The following MZT1 variants were observed in gnomAD, a reference collection of about 807,000 sequenced individuals.
The protein encoded by MZT1 is mitotic spindle organizing protein 1.
MZT1 carries 8 observed loss-of-function variants against 8.5 expected under a neutral mutation model. The ratio of observed to expected loss-of-function variants is 0.94; its 90% CI spans 0.55 to 1.70. The LOEUF (loss-of-function observed/expected upper bound fraction) is 1.70, where lower values mean the gene tolerates loss of function less well. Ranked by LOEUF, MZT1 falls within the 40% of genes most tolerant of loss-of-function variation. MZT1 has a pLI of 0.00. For synonymous variants in MZT1, 38 were observed against 42.0 expected, an observed-to-expected ratio of 0.90 and a Z score of 0.37; for missense variants, 93 against 108.6, an observed-to-expected ratio of 0.86 and a Z score of 0.64.
rs1184512874 is a variant in MZT1 at position 72,724,717 on chromosome 13, TACATATATATATATATATATATACAC to T, written c.79+2781_79+2806del. ...TTACTACTAAATATATATATATATA[TACATATATATATATATATATATACAC>T]ATATATATATGTAAAGTGGTGCTAC... On this transcript the variant is annotated intron_variant, in intron 1 of 2. Transcript: ENST00000377818. Among the ~76,000 whole-genome samples, 80 of 46,358 alleles carry T rather than the reference TACATATATATATATATATATATACAC, an allele frequency of 1.7e-3. 10 individuals are homozygous for T. The highest frequency in any genetic ancestry group is 1.0e-2 in the Admixed American group (29 of 2,906). 30.4% of individuals were successfully genotyped at this position (46,358 alleles called of 152,430 possible).
intron 2 of MZT1, among the ~76,000 whole-genome samples, chr13:72,716,569 T>A (rs946038025): frequency 3.3e-5 from 5 of 152,218 alleles, no homozygotes; most frequent in Admixed American, 1.3e-4. Context: ...GAAGTCACTT[T>A]GTATCAGGTA....
intron 1 of MZT1, 102 bp downstream of exon 1, chr13:72,727,422 G>A: frequency 8.8e-7 from 1 of 1,136,344 alleles, no homozygotes; most frequent in South Asian, 1.2e-5. Flanking sequence ...GATGCCGTTT[G>A]GGGCACTAAG....
rs139369257 is a variant in MZT1, at chr13:72,710,276, C to T, written c.*46G>A. The T allele has an allele frequency of 5.3e-3, 8,566 of 1,602,074 alleles. 188 individuals carry two copies. In the South Asian group the frequency reaches 0.056, roughly 11 times the overall value. The stretch of plus-strand genomic sequence containing the variant: ...TCTCAACTACAATGCAATCTTCAAA[C>T]CCTCTTGCAGAGCTTGACATATCTC... On this transcript the variant is annotated 3_prime_UTR_variant, in exon 3 of 3. Coordinates refer to ENST00000377818, the MANE Select transcript of MZT1 (RefSeq NM_001071775.3).
rs1790203910 is a variant in MZT1, at chr13:72,715,903, G to C, written c.225+3049C>G. On this transcript the variant is annotated intron_variant, in intron 2 of 2. Coordinates refer to ENST00000377818, the MANE Select transcript of MZT1 (RefSeq NM_001071775.3). ...AACCTCTTTTCTTTACAAATTATCT[G>C]GTCTCCGGTTTTTTTGTTTTTGTTT... Among the ~76,000 whole-genome samples the C allele has an allele frequency of 2.0e-5, 3 of 151,746 alleles. No individual in the cohort carries two copies. In the South Asian group the frequency reaches 6.3e-4, roughly 32 times the overall value.
Position 72,708,562 on chromosome 13 carries a change from A to T in MZT1, c.*1760T>A, listed in dbSNP as rs2032453842. The T allele has an allele frequency of 6.6e-6, 1 of 152,648 alleles. No individual in the cohort carries two copies. Among genetic ancestry groups the T allele is most frequent in the Admixed American group, 6.5e-5 (1 of 15,276 alleles). 9.5% of individuals were successfully genotyped at this position (152,648 alleles called of 1,614,324 possible). A position where few individuals can be genotyped will look rare whatever the true frequency, so the allele number is the denominator to read the frequency against. The stretch of plus-strand genomic sequence containing the variant: ...TATATTTTCCTGCTTTGTTTCATAC[A>T]TAAATAACTTAATCTACAAAGTCAT... On this transcript the variant is annotated 3_prime_UTR_variant, in exon 3 of 3. Transcript: ENST00000377818.
In MZT1 at chr13:72,719,054, C is replaced by T; in HGVS notation, c.123G>A (p.Met41Ile). ...ISRILNTGLD[M>I]ETLSICVRLC... ...GCCGTACACAAATAGACAGAGTTTC[C>T]ATATCTAAGCCAGTATTCAAAATTC... Residue 41 changes from methionine to isoleucine, a missense_variant, in exon 2 of 3, where the codon ATG becomes ATA. By Grantham distance (10) the Met-to-Ile change is conservative. Coordinates refer to ENST00000377818, the MANE Select transcript of MZT1 (RefSeq NM_001071775.3). The T allele has an allele frequency of 6.4e-7, 1 of 1,568,890 alleles. No individual in the cohort carries two copies. Among genetic ancestry groups the T allele is most frequent in the Non-Finnish European group, 8.6e-7 (1 of 1,163,630 alleles).
At chr13:72,720,320 T>C (rs1291494515) in intron 1 of MZT1, among the ~76,000 whole-genome samples, 1 of 152,218 alleles carries the variant, frequency 6.6e-6, no homozygotes, top group Non-Finnish European at 1.5e-5. Flanking sequence ...TGTAGTAGGG[T>C]AAACATTCCG....
At chr13:72,721,162 T>C (rs1295206537) in intron 1 of MZT1, among the ~76,000 whole-genome samples, 1 of 152,224 alleles carries the variant, frequency 6.6e-6, no homozygotes, top group Non-Finnish European at 1.5e-5. Flanking sequence ...TAGTTTTGTA[T>C]TTCTAATTCT....
chr13:72,716,359 G>A (rs2032535145), intron 2 of MZT1, among the ~76,000 whole-genome samples: 1 of 152,172 alleles, frequency 6.6e-6, no homozygotes, highest in Non-Finnish European at 1.5e-5. Context: ...TGCTGGCAGT[G>A]ATGGTTGCAT....
chr13:72,719,244 T>C, intron 1 of MZT1, 147 bp from the exon 2 acceptor site: 1 of 561,388 alleles, frequency 1.8e-6, no homozygotes, highest in Non-Finnish European at 2.8e-6. Flanking sequence ...ATGTAATACT[T>C]TCTTGCCTTT....
chr13:72,710,175 TA>T lies in MZT1; in HGVS notation c.*146del. On this transcript the variant is annotated 3_prime_UTR_variant, in exon 3 of 3. Transcript: ENST00000377818. ...CTGTAAGCCACTTTCCACTGATTTA[TA>T]AAGCTATGGTTTTATAATTCTTTTA... 1 of 706,782 alleles carries T rather than the reference TA, an allele frequency of 1.4e-6. No homozygotes were observed. The highest frequency in any genetic ancestry group is 2.4e-6 in the Non-Finnish European group (1 of 420,888). 43.8% of individuals were successfully genotyped at this position (706,782 alleles called of 1,614,324 possible).
intron 1 of MZT1, among the ~76,000 whole-genome samples, chr13:72,723,781 C>A (rs566275218): frequency 3.3e-5 from 5 of 152,344 alleles, no homozygotes; most frequent in Admixed American, 2.6e-4. Context: ...TATGGTCCCA[C>A]TCCTCACAGA....
At chr13:72,725,949 TTAAG>T (rs2032648936) in intron 1 of MZT1, among the ~76,000 whole-genome samples, 1 of 152,046 alleles carries the variant, frequency 6.6e-6, no homozygotes, top group East Asian at 2.0e-4. Flanking sequence ...AATAAAACTA[TTAAG>T]TGTTGATACA....
intron 2 of MZT1, among the ~76,000 whole-genome samples, chr13:72,711,077 G>T (rs1269426156): frequency 1.3e-5 from 2 of 152,118 alleles, no homozygotes; most frequent in Non-Finnish European, 2.9e-5. Flanking sequence ...AACAGTACAG[G>T]ACATCTGTAA....
rs186420548 is a variant in MZT1, at chr13:72,719,996, C to T, written c.80-899G>A. ...TCTATTGTTTCCTATATCATTTCCC[C>T]TTGGCATTATGCTTAGAAAATTATT... is the stretch of plus-strand genomic sequence containing the variant. On this transcript the variant is annotated intron_variant, in intron 1 of 2. Coordinates refer to ENST00000377818, the MANE Select transcript of MZT1 (RefSeq NM_001071775.3). Among the ~76,000 whole-genome samples the T allele has an allele frequency of 3.3e-5, 5 of 152,254 alleles. No individual in the cohort carries two copies. In the South Asian group the frequency reaches 1.0e-3, roughly 32 times the overall value.
In MZT1 at chr13:72,724,986, A is replaced by G. The variant is rs1234618029; in HGVS notation, c.79+2538T>C. Among the ~76,000 whole-genome samples the G allele has an allele frequency of 2.7e-5, 4 of 149,798 alleles. No homozygotes were observed. In the East Asian group the frequency reaches 8.0e-4, roughly 30 times the overall value. ...AGAATTGGTTCCCATCCCCAGCTTC[A>G]ACCTGGGAGGCGGAGGTTGCAGTGA... On this transcript the variant is annotated intron_variant, in intron 1 of 2. Transcript: ENST00000377818.
Position 72,719,049 on chromosome 13 carries a change from G to A in MZT1, c.128C>T (p.Thr43Ile). 1 of 1,568,590 alleles carries A rather than the reference G, an allele frequency of 6.4e-7. No individual in the cohort carries two copies. Among genetic ancestry groups the A allele is most frequent in the East Asian group, 2.3e-5 (1 of 42,554 alleles). ...RILNTGLDME[T>I]LSICVRLCEQ... ...ACAAAGCCGTACACAAATAGACAGA[G>A]TTTCCATATCTAAGCCAGTATTCAA... Residue 43 changes from threonine (T) to isoleucine (I), a missense_variant, in exon 2 of 3, where the codon ACT becomes ATT. By Grantham distance (89) the Thr-to-Ile change is moderately conservative. Coordinates refer to ENST00000377818, the MANE Select transcript of MZT1 (RefSeq NM_001071775.3).
chr13:72,709,310 T>A lies in MZT1; in HGVS notation c.*1012A>T, dbSNP rs1464036077. The A allele has an allele frequency of 6.6e-6, 1 of 151,984 alleles. No individual in the cohort carries two copies. Among genetic ancestry groups the A allele is most frequent in the Non-Finnish European group, 1.5e-5 (1 of 67,902 alleles). The allele number at this position is 151,984 out of a possible 1,614,324, so 9.4% of individuals were successfully genotyped here. ...AATAGCAAGTATCCTTTGAAACACA[T>A]CACCCATCTAATAAGATTGTTTAGT... On this transcript the variant is annotated 3_prime_UTR_variant, in exon 3 of 3. Transcript: ENST00000377818.
intron 1 of MZT1, 56 bp downstream of exon 1, chr13:72,727,468 G>A: frequency 6.4e-7 from 1 of 1,557,602 alleles, no homozygotes; most frequent in Non-Finnish European, 8.9e-7. Flanking sequence ...ATTCCCGCCT[G>A]GGGGCCTTGG....
Sources: gnomAD v4.1 joint callset for allele counts (sites outside exome capture counted in the v4.1 genomes callset) on GRCh38, gnomAD v4.1.1 for gene constraint, MANE v1.5 for transcripts, NCBI Gene and HGNC (gene_info 2026-07-23, HGNC 2026-07-21) for gene names.